The following HLA-DMA variants were observed in gnomAD, a reference collection of about 807,000 sequenced individuals.
The protein encoded by HLA-DMA is HLA class II histocompatibility antigen, DM alpha chain.
HLA-DMA carries 20 observed loss-of-function variants against 27.3 expected under a neutral mutation model. The ratio of observed to expected loss-of-function variants is 0.73; its 90% CI spans 0.52 to 1.07. HLA-DMA has a LOEUF of 1.07. Among genes scored for constraint, HLA-DMA ranks in the 50% least tolerant of loss-of-function variants. The pLI, the probability that HLA-DMA is intolerant of heterozygous loss-of-function variation, is 0.00. For synonymous variants in HLA-DMA, 111 were observed against 126.8 expected (o/e 0.88, Z 0.83); for missense variants, 241 against 321.7 (o/e 0.75, Z 1.92).
Position 32,950,477 on chromosome 6 carries a change from T to C in HLA-DMA, c.373+42A>G. 2 of 1,602,870 alleles carry C rather than the reference T, an allele frequency of 1.2e-6. No individual in the cohort carries two copies. Among genetic ancestry groups the C allele is most frequent in the Non-Finnish European group, 1.7e-6 (2 of 1,171,718 alleles). On this transcript the variant is annotated intron_variant, in intron 2 of 4. Transcript: ENST00000374843. This position sits in a 1 kb window ranked among gnomAD's most constrained non-coding sequence, Gnocchi z 5.0. ...TATTCAGTGTACAGATCAATGAGGT[T>C]AATGCAGCCCTCCTCCCTTCACTCC...
chr6:32,951,523 C>G (rs1359631142), intron 1 of HLA-DMA, among the ~76,000 whole-genome samples: 1 of 151,956 alleles, frequency 6.6e-6, no homozygotes, highest in African/African-American at 2.4e-5. Context: ...CTCAGCTACT[C>G]TGGAGGCTGA....
Position 32,949,544 on chromosome 6 carries a change from G to T in HLA-DMA, c.652+67C>A, listed in dbSNP as rs1426775720. The T allele has an allele frequency of 2.5e-6, 4 of 1,595,098 alleles. No homozygotes were observed. Among genetic ancestry groups the T allele is most frequent in the East Asian group, 4.5e-5 (2 of 44,682 alleles). On this transcript the variant is annotated intron_variant, in intron 3 of 4. Transcript: ENST00000374843. The surrounding 1 kb of genome is among the most constrained non-coding windows in gnomAD (Gnocchi z 5.8). ...AAACAAGGTACCAGTGGAGAAAGAA[G>T]CCTCCTCCCATGGATCTATCCCTTT... is the stretch of plus-strand genomic sequence containing the variant.
chr6:32,951,243 A>C (rs1776885513), intron 1 of HLA-DMA, among the ~76,000 whole-genome samples: 2 of 152,162 alleles, frequency 1.3e-5, no homozygotes, highest in Non-Finnish European at 1.5e-5. Context: ...TCCCCCTCCC[A>C]AAGGGGGTGA....
chr6:32,948,923 C>A (rs145946216), intron 4 of HLA-DMA, 55 bp from the exon 5 acceptor site: 24,741 of 1,587,714 alleles, frequency 0.016, 268 homozygotes, highest in South Asian at 0.036. Flanking sequence ...CCTCCTCCTC[C>A]TTCTCCTCCT....
rs761984627 is a variant in HLA-DMA at position 32,950,760 on chromosome 6, G to C, written c.132C>G (p.Phe44Leu). 2 of 1,612,854 alleles carry C rather than the reference G, an allele frequency of 1.2e-6. No homozygotes were observed. The highest frequency in any genetic ancestry group is 1.7e-6 in the Non-Finnish European group (2 of 1,179,856). Reference protein sequence around the residue: ...MWPDDLQNHTFLHTVYCQDGS... With the variant: ...MWPDDLQNHTLLHTVYCQDGS... ...CATCCTGGCAGTACACTGTGTGCAG[G>C]AATGTGTGGTTTTGCAGGTCATCTG... Residue 44 changes from phenylalanine to leucine, a missense_variant, in exon 2 of 5, where the codon TTC (phenylalanine) becomes TTG (leucine). Phe to Leu is a conservative substitution (Grantham distance 22). Transcript: ENST00000374843. The surrounding 1 kb of genome is among the most constrained non-coding windows in gnomAD (Gnocchi z 5.0).
Position 32,949,720 on chromosome 6 carries a change from T to C in HLA-DMA, c.543A>G (p.Gly181=), listed in dbSNP as rs771388070. The C allele has an allele frequency of 1.2e-6, 2 of 1,612,816 alleles. No individual in the cohort carries two copies. The highest frequency in any genetic ancestry group is 3.3e-5 in the Admixed American group (2 of 60,020). ...AGTAAGAAAAGGCCTGGAAGCTGAGTCCATCGACAGCTGAGACAAAAGTAG... is the reference window on the plus strand; with the variant it reads ...AGTAAGAAAAGGCCTGGAAGCTGAGCCCATCGACAGCTGAGACAAAAGTAG... ...FGPTFVSAVD[G]LSFQAFSYLN... is the part of the protein sequence containing the mutation. Residue 181 remains glycine (G), a synonymous_variant, in exon 3 of 5, where the codon GGA becomes GGG. Transcript: ENST00000374843. The surrounding 1 kb of genome is among the most constrained non-coding windows in gnomAD (Gnocchi z 5.8).
In HLA-DMA at chr6:32,949,851, C is replaced by G; in HGVS notation, c.412G>C (p.Glu138Gln). 2 of 1,612,966 alleles carry G rather than the reference C, an allele frequency of 1.2e-6. No individual in the cohort carries two copies. The highest frequency in any genetic ancestry group is 1.7e-6 in the Non-Finnish European group (2 of 1,180,020). The change falls in exon 3 of 5, where the codon GAG (glutamate) becomes CAG (glutamine). Residue 138 changes from glutamate to glutamine, a missense_variant. Glu to Gln is a conservative substitution (Grantham distance 29). Transcript: ENST00000374843. This position sits in a 1 kb window ranked among gnomAD's most constrained non-coding sequence, Gnocchi z 5.8. ...IAEVFTLKPLEFGKPNTLVCF... is the reference protein window; with the variant it reads ...IAEVFTLKPLQFGKPNTLVCF... ...ACCAAAGTGTTGGGCTTGCCAAACT[C>G]CAGGGGCTTCAGCGTGAACACTTCA...
In HLA-DMA at chr6:32,950,984, G is replaced by A. The variant is rs2301255; in HGVS notation, c.89-181C>T. 0.92 allele frequency among the ~76,000 whole-genome samples: 139,784 copies of A among 152,062 alleles called. 64,465 individuals are homozygous for A. Among genetic ancestry groups the A allele is most frequent in the African/African-American group, 0.98 (40,595 of 41,508 alleles). ...AGCCTGGCCAGCATGGTGAAACTCC[G>A]TCTCTACTAAAAATACAAAAAAGTA... is the stretch of plus-strand genomic sequence containing the variant. On this transcript the variant is annotated intron_variant, in intron 1 of 4. Transcript: ENST00000374843. The surrounding 1 kb of genome is among the most constrained non-coding windows in gnomAD (Gnocchi z 5.0).
In HLA-DMA at chr6:32,952,953, A is replaced by G; in HGVS notation, c.84T>C (p.Pro28=). The G allele has an allele frequency of 6.2e-7, 1 of 1,611,404 alleles. No homozygotes were observed. Among genetic ancestry groups the G allele is most frequent in the Non-Finnish European group, 8.5e-7 (1 of 1,178,646 alleles). ...TAAATAGGAGTACCATCTTACCTTC[A>G]GGGACGGCCCAGGAGTGGGGTAGCA... The part of the protein sequence containing the change: ...LWLLPHSWAV[P]EAPTPMWPDD... The change falls in exon 1 of 5, where the codon CCT becomes CCC. Residue 28 remains proline, a synonymous_variant. Transcript: ENST00000374843.
Position 32,949,483 on chromosome 6 carries a change from T to C in HLA-DMA, c.653-84A>G. 2 of 1,600,786 alleles carry C rather than the reference T, an allele frequency of 1.2e-6. No individual in the cohort carries two copies. The highest frequency in any genetic ancestry group is 1.7e-6 in the Non-Finnish European group (2 of 1,169,682). ...AATGACGTGGGTGTCTGGGATGACA[T>C]GGGAGACTGGGATGGGCTTAGGGTA... On this transcript the variant is annotated intron_variant, in intron 3 of 4. Transcript: ENST00000374843. This position sits in a 1 kb window ranked among gnomAD's most constrained non-coding sequence, Gnocchi z 5.8.
chr6:32,948,830 G>A lies in HLA-DMA; in HGVS notation c.*34C>T, dbSNP rs375343803. ...CTGAGCATCCTCTGTTTGGATGGCC[G>A]AAGCTGCTGGCATCAAACTCTGGTC... On this transcript the variant is annotated 3_prime_UTR_variant, in exon 5 of 5. Transcript: ENST00000374843. 30 of 1,613,716 alleles carry A rather than the reference G, an allele frequency of 1.9e-5. No homozygotes were observed. In the East Asian group the frequency reaches 2.9e-4, roughly 16 times the overall value.
At position 32,949,157 on chromosome 6, in the gene HLA-DMA, G is replaced by A; in HGVS notation, c.781+114C>T. The A allele has an allele frequency of 1.4e-6, 2 of 1,425,726 alleles. No individual in the cohort carries two copies. Among genetic ancestry groups the A allele is most frequent in the East Asian group, 2.3e-5 (1 of 42,734 alleles). 88.3% of individuals were successfully genotyped at this position (1,425,726 alleles called of 1,614,324 possible). A position where few individuals can be genotyped will look rare whatever the true frequency, so the allele number is the denominator to read the frequency against. On this transcript the variant is annotated intron_variant, in intron 4 of 4. Coordinates refer to ENST00000374843, the MANE Select transcript of HLA-DMA (RefSeq NM_006120.4). The surrounding 1 kb of genome is among the most constrained non-coding windows in gnomAD (Gnocchi z 5.8). ...GCTGGATACAGGCCCCCACACCCAA[G>A]GGCCTGAGGATCGCTATATGTCCCC...
rs138600096 is a variant in HLA-DMA at position 32,949,723 on chromosome 6, A to G, written c.540T>C (p.Asp180=). The change falls in exon 3 of 5, where the codon GAT becomes GAC. Residue 180 remains aspartate (D), a synonymous_variant. Coordinates refer to ENST00000374843, the MANE Select transcript of HLA-DMA (RefSeq NM_006120.4). This position sits in a 1 kb window ranked among gnomAD's most constrained non-coding sequence, Gnocchi z 5.8. ...AAGAAAAGGCCTGGAAGCTGAGTCC[A>G]TCGACAGCTGAGACAAAAGTAGGCC... The part of the protein sequence containing the change: ...GFGPTFVSAV[D]GLSFQAFSYL... 672 of 1,613,108 alleles carry G rather than the reference A, an allele frequency of 4.2e-4. 2 individuals are homozygous for G. The African/African-American group carries it at 7.6e-3, about 18-fold the overall frequency.
intron 1 of HLA-DMA, among the ~76,000 whole-genome samples, chr6:32,951,131 C>G (rs767859331): frequency 2.6e-5 from 4 of 152,068 alleles, no homozygotes; most frequent in Non-Finnish European, 4.4e-5. Flanking sequence ...GCCTGGGTGA[C>G]AGAGTGAGAC....
Position 32,950,508 on chromosome 6 carries a change from A to G in HLA-DMA, c.373+11T>C. On this transcript the variant is annotated intron_variant, in intron 2 of 4. Coordinates refer to ENST00000374843, the MANE Select transcript of HLA-DMA (RefSeq NM_006120.4). This position sits in a 1 kb window ranked among gnomAD's most constrained non-coding sequence, Gnocchi z 5.0. ...AGCCCTCCTCCCTTCACTCCCCAGA[A>G]AACTCCTGACCTCTGGACACCGGGA... 1.9e-6 allele frequency: 3 copies of G among 1,612,866 alleles called. No homozygotes were observed. The highest frequency in any genetic ancestry group is 2.5e-6 in the Non-Finnish European group (3 of 1,179,870).
Position 32,952,181 on chromosome 6 carries a change from T to A in HLA-DMA, c.88+768A>T, listed in dbSNP as rs148452095. 1,988 of 387,560 alleles carry A rather than the reference T, an allele frequency of 5.1e-3. 14 individuals are homozygous for A. Among genetic ancestry groups the A allele is most frequent in the Non-Finnish European group, 7.9e-3 (1,502 of 189,840 alleles). The allele number at this position is 387,560 out of a possible 1,614,324, so 24.0% of individuals were successfully genotyped here. On this transcript the variant is annotated intron_variant, in intron 1 of 4. Transcript: ENST00000374843. The stretch of plus-strand genomic sequence containing the variant: ...GACTAGAGAAGGCCATGGATGGGTT[T>A]CTCACTCTTAGAAGGGAAAGAGGAG...
At position 32,949,641 on chromosome 6, in the gene HLA-DMA, T is replaced by C; in HGVS notation, c.622A>G (p.Ile208Val). The C allele has an allele frequency of 6.2e-7, 1 of 1,613,124 alleles. No individual in the cohort carries two copies. Among genetic ancestry groups the C allele is most frequent in the South Asian group, 1.1e-5 (1 of 91,092 alleles). ...DIFSCIVTHEIDRYTAIAYWV... is the reference protein window; with the variant it reads ...DIFSCIVTHEVDRYTAIAYWV... ...TAGGCAATTGCTGTGTAGCGGTCAA[T>C]TTCGTGAGTCACAATGCAGGAGAAA... is the stretch of plus-strand genomic sequence containing the variant. Residue 208 changes from isoleucine to valine, a missense_variant, in exon 3 of 5, where the codon ATT (isoleucine) becomes GTT (valine). Physicochemically the swap from Ile to Val is conservative, Grantham distance 29. Coordinates refer to ENST00000374843, the MANE Select transcript of HLA-DMA (RefSeq NM_006120.4). The surrounding 1 kb of genome is among the most constrained non-coding windows in gnomAD (Gnocchi z 5.8).
At chr6:32,951,719 A>G (rs146313106) in intron 1 of HLA-DMA, among the ~76,000 whole-genome samples, 1,889 of 152,188 alleles carry the variant, frequency 0.012, 19 homozygotes, top group South Asian at 0.029. Context: ...ACCTGAGGTC[A>G]GGAGTTTGAG....
chr6:32,949,912 G>T lies in HLA-DMA; in HGVS notation c.374-23C>A. 1 of 1,608,628 alleles carries T rather than the reference G, an allele frequency of 6.2e-7. No individual in the cohort carries two copies. The highest frequency in any genetic ancestry group is 8.5e-7 in the Non-Finnish European group (1 of 1,177,448). ...ACCCTGGTGGGGGGATTGAAGTGTA[G>T]GGGGAAAAAGAGACTAGTTTAGATG... On this transcript the variant is annotated intron_variant, in intron 2 of 4. Coordinates refer to ENST00000374843, the MANE Select transcript of HLA-DMA (RefSeq NM_006120.4). The surrounding 1 kb of genome is among the most constrained non-coding windows in gnomAD (Gnocchi z 5.8).
Sources: allele counts gnomAD v4.1 joint callset (sites outside exome capture counted in the v4.1 genomes callset), GRCh38; gene constraint gnomAD v4.1.1; non-coding constraint Gnocchi (gnomAD v3.1); transcripts MANE v1.5; gene names NCBI Gene and HGNC (gene_info 2026-07-23, HGNC 2026-07-21).